PER2: variants seen among roughly 807,000 people sequenced by gnomAD.
PER2 encodes the protein period circadian regulator 2, also known as period circadian protein homolog 2.
Under a neutral mutation model 121.0 loss-of-function variants are expected in PER2, and 66 were observed. The observed-to-expected ratio is 0.55, with a 90% CI of 0.45 to 0.67. The LOEUF (loss-of-function observed/expected upper bound fraction) is 0.67, where lower values mean the gene tolerates loss of function less well. PER2 is among the 30% of genes least tolerant of loss of function. The pLI, the probability that PER2 is intolerant of heterozygous loss-of-function variation, is 0.00. For synonymous variants in PER2, 684 were observed against 659.9 expected (o/e 1.04, Z -0.56); for missense variants, 1,521 against 1,635.0 (o/e 0.93, Z 1.20).
chr2:238,266,216 G>GT (rs1696107603), intron 8 of PER2, among the ~76,000 whole-genome samples: 1 of 152,008 alleles, frequency 6.6e-6, no homozygotes, highest in Admixed American at 6.6e-5. Context: ...TCTTTATGAT[G>GT]TTTAAGATGA....
At position 238,252,295 on chromosome 2, in the gene PER2, C is replaced by A. The variant is rs1188551500; in HGVS notation, c.3112-534G>T. On this transcript the variant is annotated intron_variant, in intron 19 of 22. Coordinates refer to ENST00000254657, the MANE Select transcript of PER2 (RefSeq NM_022817.3). The surrounding 1 kb of genome is among the most constrained non-coding windows in gnomAD (Gnocchi z 4.2). ...ATGCTTGCACTTCCTCACCCGGGAG[C>A]CCTAGGTCCTCTGGCCAAGGCAGGG... 6.6e-6 allele frequency among the ~76,000 whole-genome samples: 1 copy of A among 152,248 alleles called. No individual in the cohort carries two copies. Among genetic ancestry groups the A allele is most frequent in the Non-Finnish European group, 1.5e-5 (1 of 68,038 alleles).
chr2:238,248,478 G>C (rs1559320560), intron 22 of PER2, among the ~76,000 whole-genome samples: 1 of 152,080 alleles, frequency 6.6e-6, no homozygotes, highest in Non-Finnish European at 1.5e-5. Context: ...GACAGGAGAG[G>C]GTTTTTTTTT....
At position 238,252,179 on chromosome 2, in the gene PER2, C is replaced by G. The variant is rs1260926566; in HGVS notation, c.3112-418G>C. On this transcript the variant is annotated intron_variant, in intron 19 of 22. Coordinates refer to ENST00000254657, the MANE Select transcript of PER2 (RefSeq NM_022817.3). The surrounding 1 kb of genome is among the most constrained non-coding windows in gnomAD (Gnocchi z 4.2). ...GGCCTGGGGAGCATCCCTGACCCTCCTCTCCTTGGAAACCCAGACTGCAGG... is the reference window on the plus strand; with the variant it reads ...GGCCTGGGGAGCATCCCTGACCCTCGTCTCCTTGGAAACCCAGACTGCAGG... 2.0e-5 allele frequency among the ~76,000 whole-genome samples: 3 copies of G among 152,164 alleles called. No individual in the cohort carries two copies. Among genetic ancestry groups the G allele is most frequent in the Non-Finnish European group, 4.4e-5 (3 of 68,028 alleles).
chr2:238,265,309 C>T (rs1696060406), intron 9 of PER2, among the ~76,000 whole-genome samples: 1 of 152,354 alleles, frequency 6.6e-6, no homozygotes, highest in Non-Finnish European at 1.5e-5. Flanking sequence ...ATTAGATCAA[C>T]AGCTCTCCAG....
In PER2 at chr2:238,270,452, C is replaced by A. The variant is rs369200171; in HGVS notation, c.772+860G>T. Among the ~76,000 whole-genome samples the A allele has an allele frequency of 1.4e-4, 22 of 152,196 alleles. No homozygotes were observed. In the South Asian group the frequency reaches 4.6e-3, roughly 32 times the overall value. ...AAAAAAAAAAATCTTAGATCTAGGT[C>A]TTTCATACATTTCATCTACTCAAAA... On this transcript the variant is annotated intron_variant, in intron 6 of 22. Transcript: ENST00000254657.
chr2:238,298,699 C>T, the PER2 span: 1 of 152,174 alleles, frequency 6.6e-6, no homozygotes, highest in African/African-American at 2.4e-5. Context: ...CACACAGTGG[C>T]GTTATGATTA....
intron 1 of PER2, among the ~76,000 whole-genome samples, chr2:238,285,909 G>C (rs1346043439): frequency 6.6e-6 from 1 of 150,512 alleles, no homozygotes. Context: ...CCAACTCCCT[G>C]AGGCCAGCCT....
At chr2:238,286,362 C>A (rs1397179769) in intron 1 of PER2, among the ~76,000 whole-genome samples, 1 of 152,200 alleles carries the variant, frequency 6.6e-6, no homozygotes. Context: ...CTCTGAAAAC[C>A]AAGTGGCCTT....
chr2:238,279,652 T>C (rs1447220566), intron 1 of PER2, among the ~76,000 whole-genome samples: 1 of 152,200 alleles, frequency 6.6e-6, no homozygotes, highest in Non-Finnish European at 1.5e-5. Context: ...ACCCCAAATC[T>C]TGTGAAACAT....
rs1696175243 is a variant in PER2 at position 238,268,298 on chromosome 2, A to T, written c.825-100T>A. The T allele has an allele frequency of 2.4e-6, 3 of 1,239,052 alleles. No homozygotes were observed. In the Admixed American group the frequency reaches 5.6e-5, roughly 23 times the overall value. 76.8% of individuals were successfully genotyped at this position (1,239,052 alleles called of 1,614,324 possible). ...TGGGCCCCATGCCATGCTGCAGGTG[A>T]TGTGTACCTCTGCTCTGCCTGAGGA... On this transcript the variant is annotated intron_variant, in intron 7 of 22. Coordinates refer to ENST00000254657, the MANE Select transcript of PER2 (RefSeq NM_022817.3). This position sits in a 1 kb window ranked among gnomAD's most constrained non-coding sequence, Gnocchi z 4.0.
chr2:238,256,451 T>G (rs1238679275), intron 17 of PER2, among the ~76,000 whole-genome samples: 1 of 152,210 alleles, frequency 6.6e-6, no homozygotes, highest in Non-Finnish European at 1.5e-5. Context: ...ATCATAATAT[T>G]CTAAAGAACA....
rs373478984 is a variant in PER2, at chr2:238,246,661, C to T, written c.3619-137G>A. ...GGAGGCCGAGGCGGGCAGATCACGA[C>T]GTCAGGAGATCGAGACCTTCCTGGC... On this transcript the variant is annotated intron_variant, in intron 22 of 22. Transcript: ENST00000254657. 14 of 574,692 alleles carry T rather than the reference C, an allele frequency of 2.4e-5. No individual in the cohort carries two copies. The Admixed American group carries it at 2.5e-4, about 10-fold the overall frequency. 35.6% of individuals were successfully genotyped at this position (574,692 alleles called of 1,614,324 possible). A position where few individuals can be genotyped will look rare whatever the true frequency, so the allele number is the denominator to read the frequency against.
chr2:238,285,216 G>C (rs1696747164), intron 1 of PER2, among the ~76,000 whole-genome samples: 1 of 152,142 alleles, frequency 6.6e-6, no homozygotes, highest in African/African-American at 2.4e-5. Context: ...GTTAAGCTCG[G>C]ACCCCTGACC....
At chr2:238,256,642 G>C (rs1695770799) in intron 17 of PER2, among the ~76,000 whole-genome samples, 1 of 152,130 alleles carries the variant, frequency 6.6e-6, no homozygotes, top group Non-Finnish European at 1.5e-5. Flanking sequence ...CAATTAAAGG[G>C]GATAAGATCT....
chr2:238,260,332 C>T (rs187081707), intron 13 of PER2, among the ~76,000 whole-genome samples: 1 of 151,946 alleles, frequency 6.6e-6, no homozygotes, highest in Non-Finnish European at 1.5e-5. Flanking sequence ...TCTTGTCTCT[C>T]TGCAACCTCT....
At chr2:238,275,491 C>T (rs1696423876) in intron 4 of PER2, among the ~76,000 whole-genome samples, 1 of 152,168 alleles carries the variant, frequency 6.6e-6, no homozygotes, top group South Asian at 2.1e-4. Context: ...GAGTTCGAGA[C>T]CAGCCTGGGC....
chr2:238,290,781 A>T (rs776995666), upstream of PER2, among the ~76,000 whole-genome samples: 1 of 152,088 alleles, frequency 6.6e-6, no homozygotes, highest in Non-Finnish European at 1.5e-5. Flanking sequence ...GGAGTTGGTG[A>T]TGTAGAAGGG....
chr2:238,260,856 C>T lies in PER2; in HGVS notation c.1514G>A (p.Gly505Asp), dbSNP rs768873400. Residue 505 changes from glycine (G) to aspartate (D), a missense_variant, in exon 13 of 23, where the codon GGC (glycine) becomes GAC (aspartate). Transcript: ENST00000254657. ...TCTCCTCCGGCGTGAGTCCTCATGG[C>T]CGTTGCTGTCGCTGGAGGAGGTCTG... ...MSQTSSSDSN[G>D]HEDSRRRRAE... 4 of 1,614,088 alleles carry T rather than the reference C, an allele frequency of 2.5e-6. No individual in the cohort carries two copies. In the Admixed American group the frequency reaches 5.0e-5, roughly 20 times the overall value.
At chr2:238,277,303 A>G in intron 2 of PER2, 110 bp from the exon 3 acceptor site, 1 of 810,278 alleles carries the variant, frequency 1.2e-6, no homozygotes, top group Non-Finnish European at 2.2e-6. Flanking sequence ...TGGTAAGACA[A>G]TTTTTTAAAA....
Sources: allele counts gnomAD v4.1 joint callset (sites outside exome capture counted in the v4.1 genomes callset), GRCh38; gene constraint gnomAD v4.1.1; non-coding constraint Gnocchi (gnomAD v3.1); transcripts MANE v1.5; gene names NCBI Gene and HGNC (gene_info 2026-07-23, HGNC 2026-07-21).